FBXO47: variants seen among roughly 807,000 people sequenced by gnomAD.
The protein encoded by FBXO47 is F-box protein 47.
A neutral mutation model predicts 53.9 loss-of-function variants in FBXO47; 34 were observed. The ratio of observed to expected loss-of-function variants is 0.63; its 90% CI spans 0.48 to 0.84. The LOEUF is 0.84. FBXO47 is among the 40% of genes least tolerant of loss of function. The pLI is 0.00. For missense variants in FBXO47, 485 were observed against 541.3 expected (o/e 0.90, Z 1.03); for synonymous variants, 165 against 181.6 (o/e 0.91, Z 0.73).
At chr17:38,939,323 A>AAAAAAAAATAT (rs1555559726) in intron 9 of FBXO47, among the ~76,000 whole-genome samples, 2 of 50,178 alleles carry the variant, frequency 4.0e-5, no homozygotes, top group African/African-American at 1.5e-4. Context: ...AAAAAAAAAA[A>AAAAAAAAATAT]ATATATATAT....
At chr17:38,939,470 T>C (rs1904405172) in intron 9 of FBXO47, among the ~76,000 whole-genome samples, 1 of 148,930 alleles carries the variant, frequency 6.7e-6, no homozygotes, top group Non-Finnish European at 1.5e-5. Context: ...ATGGCTCTAT[T>C]TTCAAGAAGT....
At chr17:38,963,072 C>T (rs1905900371) in intron 1 of FBXO47, 21 bp from the exon 2 acceptor site, 1 of 1,390,020 alleles carries the variant, frequency 7.2e-7, no homozygotes. Flanking sequence ...AAACAAAGTA[C>T]AAGAGACAAG....
intron 9 of FBXO47, among the ~76,000 whole-genome samples, chr17:38,940,848 T>C (rs577245405): frequency 3.3e-5 from 5 of 151,700 alleles, no homozygotes; most frequent in Admixed American, 3.3e-4. Flanking sequence ...GCTAGTTTTA[T>C]TTTATGTTTT....
intron 9 of FBXO47, among the ~76,000 whole-genome samples, chr17:38,942,050 C>T (rs1006927289): frequency 1.8e-4 from 27 of 152,124 alleles, no homozygotes; most frequent in Non-Finnish European, 2.6e-4. Context: ...ATAATAAACT[C>T]CCAGTACTCA....
At chr17:38,965,776 T>C (rs528923849) in intron 1 of FBXO47, among the ~76,000 whole-genome samples, 1 of 144,918 alleles carries the variant, frequency 6.9e-6, no homozygotes, top group Admixed American at 7.0e-5. Flanking sequence ...CCAGCTACTC[T>C]GGAGGCTGAG....
chr17:38,940,887 C>T (rs978799122), intron 9 of FBXO47, among the ~76,000 whole-genome samples: 5 of 151,858 alleles, frequency 3.3e-5, no homozygotes, highest in African/African-American at 9.7e-5. Flanking sequence ...CTATATTGCC[C>T]AGGATGGTCT....
Position 38,938,603 on chromosome 17 carries a change from T to G in FBXO47, c.1213A>C (p.Ile405Leu). Residue 405 changes from isoleucine (I) to leucine (L), a missense_variant, in exon 10 of 11, where the codon ATA (isoleucine) becomes CTA (leucine). Ile to Leu is a conservative substitution (Grantham distance 5). Coordinates refer to ENST00000378079, the MANE Select transcript of FBXO47 (RefSeq NM_001008777.3). ...ATAATTGATTGCAGCATTTCCATTATAACACATGCAAATGCATTTGCCACA... is the reference window on the plus strand; with the variant it reads ...ATAATTGATTGCAGCATTTCCATTAGAACACATGCAAATGCATTTGCCACA... The part of the protein sequence containing the change: ...QNVANAFACV[I>L]MEMLQSIMSG... 1 of 1,613,208 alleles carries G rather than the reference T, an allele frequency of 6.2e-7. No homozygotes were observed. The highest frequency in any genetic ancestry group is 8.5e-7 in the Non-Finnish European group (1 of 1,179,510).
At chr17:38,962,734 C>T (rs1905874713) in intron 2 of FBXO47, 111 bp downstream of exon 2, 2 of 652,314 alleles carry the variant, frequency 3.1e-6, no homozygotes, top group East Asian at 2.8e-5. Flanking sequence ...AAACACTTAA[C>T]ATGAATGTCA....
At chr17:38,946,356 A>G (rs1904829735) in intron 6 of FBXO47, among the ~76,000 whole-genome samples, 1 of 96,586 alleles carries the variant, frequency 1.0e-5, no homozygotes, top group African/African-American at 4.5e-5. Flanking sequence ...ATATAAATAT[A>G]TATAAATATA....
rs1904351799 is a variant in FBXO47 at position 38,938,473 on chromosome 17, T to C, written c.1243+100A>G. On this transcript the variant is annotated intron_variant, in intron 10 of 10. Coordinates refer to ENST00000378079, the MANE Select transcript of FBXO47 (RefSeq NM_001008777.3). ...CAACATAGAAATAGCTTTTTTTTTT[T>C]TTTCCATTCTTGGACTGTTAGAGAA... The C allele has an allele frequency of 1.7e-5, 14 of 817,820 alleles. No individual in the cohort carries two copies. The East Asian group carries it at 3.7e-4, about 21-fold the overall frequency. 50.7% of individuals were successfully genotyped at this position (817,820 alleles called of 1,614,324 possible).
At chr17:38,959,223 TAG>T (rs1436909350) in intron 3 of FBXO47, among the ~76,000 whole-genome samples, 1 of 151,956 alleles carries the variant, frequency 6.6e-6, no homozygotes, top group African/African-American at 2.4e-5. Flanking sequence ...CTTCCCTAAA[TAG>T]AGTCAGATGT....
rs370299590 is a variant in FBXO47, at chr17:38,938,540, G to A, written c.1243+33C>T. On this transcript the variant is annotated intron_variant, in intron 10 of 10. Transcript: ENST00000378079. ...GGTGGAGACTAGAGCGCATTTTTAC[G>A]CACACCTGTGCACCAAGTACATTCC... The A allele has an allele frequency of 2.9e-5, 44 of 1,497,414 alleles. No individual in the cohort carries two copies. In the African/African-American group the frequency reaches 4.0e-4, roughly 14 times the overall value. 92.8% of individuals were successfully genotyped at this position (1,497,414 alleles called of 1,614,324 possible).
intron 9 of FBXO47, among the ~76,000 whole-genome samples, chr17:38,939,648 G>GTTT (rs1305968041): frequency 1.6e-5 from 2 of 122,518 alleles, no homozygotes; most frequent in Non-Finnish European, 3.4e-5. Flanking sequence ...AAAGTAAAAG[G>GTTT]TTTCTTTTTT....
At position 38,962,007 on chromosome 17, in the gene FBXO47, G is replaced by C; in HGVS notation, c.222C>G (p.Val74=). The C allele has an allele frequency of 6.2e-7, 1 of 1,613,464 alleles. No homozygotes were observed. Among genetic ancestry groups the C allele is most frequent in the Non-Finnish European group, 8.5e-7 (1 of 1,179,850 alleles). The change falls in exon 3 of 11, where the codon GTC becomes GTG. Residue 74 remains valine, a synonymous_variant. Coordinates refer to ENST00000378079, the MANE Select transcript of FBXO47 (RefSeq NM_001008777.3). ...ISMLSMVSKT[V]SQHIINYIST... is the part of the protein sequence containing the mutation. ...AGATATAATTAATAATGTGTTGGCT[G>C]ACTGTTTTGGACACCATGCTTAGCA...
rs758514748 is a variant in FBXO47, at chr17:38,945,158, A to G, written c.617-22T>C. On this transcript the variant is annotated intron_variant, in intron 6 of 10. Transcript: ENST00000378079. Reference sequence around the variant, plus strand: ...CTTCCTATGAAGACAAAAGAATTGTAAATCATTCTTCGTAGAAAGGCTGCT... The same window carrying G: ...CTTCCTATGAAGACAAAAGAATTGTGAATCATTCTTCGTAGAAAGGCTGCT... The G allele has an allele frequency of 6.4e-6, 10 of 1,564,258 alleles. No homozygotes were observed. In the South Asian group the frequency reaches 1.0e-4, roughly 16 times the overall value.
rs140827177 is a variant in FBXO47, at chr17:38,966,889, T to A, written c.-27+340A>T. Among the ~76,000 whole-genome samples the A allele has an allele frequency of 2.1e-3, 322 of 152,196 alleles. 1 individual carries two copies. Among genetic ancestry groups the A allele is most frequent in the Middle Eastern group, 6.8e-3 (2 of 294 alleles). ...GAATCACAGCCCCAAATAATAATAATAAAATGATGTTTCATGCCCCCTGTT... is the reference window on the plus strand; with the variant it reads ...GAATCACAGCCCCAAATAATAATAAAAAAATGATGTTTCATGCCCCCTGTT... On this transcript the variant is annotated intron_variant, in intron 1 of 10. Transcript: ENST00000378079.
chr17:38,950,726 G>T (rs1905232706), intron 6 of FBXO47, among the ~76,000 whole-genome samples: 1 of 151,998 alleles, frequency 6.6e-6, no homozygotes, highest in Non-Finnish European at 1.5e-5. Flanking sequence ...GAGGTTTACA[G>T]GATGCTATAA....
chr17:38,944,821 T>C (rs375576306), intron 7 of FBXO47, 139 bp downstream of exon 7: 41 of 540,262 alleles, frequency 7.6e-5, no homozygotes, highest in East Asian at 7.0e-4. Context: ...CAGTGAGCCA[T>C]GATCGCACCA....
intron 1 of FBXO47, among the ~76,000 whole-genome samples, chr17:38,963,721 G>A (rs187256581): frequency 2.3e-3 from 342 of 151,720 alleles, no homozygotes; most frequent in Non-Finnish European, 3.9e-3. Context: ...ATTATGTGCT[G>A]TATAATACTC....
Sources: allele counts gnomAD v4.1 joint callset (sites outside exome capture counted in the v4.1 genomes callset), GRCh38; gene constraint gnomAD v4.1.1; transcripts MANE v1.5; gene names NCBI Gene and HGNC (gene_info 2026-07-23, HGNC 2026-07-21).